Variants in LARGE2 observed in about 807,000 individuals in gnomAD.
LARGE2 encodes the protein xylosyl- and glucuronyltransferase LARGE2.
Under a neutral mutation model 75.3 loss-of-function variants are expected in LARGE2, and 63 were observed. The ratio of observed to expected loss-of-function variants is 0.84; its 90% CI spans 0.68 to 1.03. The LOEUF is 1.03. Ranked by LOEUF, LARGE2 falls within the 50% of genes least tolerant of loss-of-function variation. The pLI is 0.00. For synonymous variants in LARGE2, 428 were observed against 420.1 expected, an observed-to-expected ratio of 1.02 and a Z score of -0.23; for missense variants, 925 against 980.6, an observed-to-expected ratio of 0.94 and a Z score of 0.76.
Position 45,922,928 on chromosome 11 carries a change from T to C in LARGE2, c.46T>C (p.Leu16=). ...CCGGGCGCTGGGGGCCGCCGCGCTG[T>C]TGCTGCTGCTGCTGCTGCTCGGATT... ...RPRALGAAAL[L]LLLLLLGFLL... The change falls in exon 2 of 14, where the codon TTG becomes CTG. Residue 16 remains leucine (L), a synonymous_variant. Coordinates refer to ENST00000401752, the MANE Select transcript of LARGE2 (RefSeq NM_001300721.2). 1 of 1,275,402 alleles carries C rather than the reference T, an allele frequency of 7.8e-7. No homozygotes were observed. Among genetic ancestry groups the C allele is most frequent in the Non-Finnish European group, 9.9e-7 (1 of 1,014,782 alleles). 79.0% of individuals were successfully genotyped at this position (1,275,402 alleles called of 1,614,324 possible).
At position 45,922,715 on chromosome 11, in the gene LARGE2, A is replaced by T; in HGVS notation, c.-76A>T. Reference sequence around the variant, plus strand: ...CTGCGAGCGCAGGGCCCAGCCCGGGAGCCGCTGGAGCAGGTGAGGGAGGTG... The same window carrying T: ...CTGCGAGCGCAGGGCCCAGCCCGGGTGCCGCTGGAGCAGGTGAGGGAGGTG... On this transcript the variant is annotated 5_prime_UTR_variant, in exon 1 of 14. Coordinates refer to ENST00000401752, the MANE Select transcript of LARGE2 (RefSeq NM_001300721.2). The T allele has an allele frequency of 2.2e-6, 1 of 454,858 alleles. No individual in the cohort carries two copies. The highest frequency in any genetic ancestry group is 3.5e-6 in the Non-Finnish European group (1 of 286,890). The allele number at this position is 454,858 out of a possible 1,614,324, so 28.2% of individuals were successfully genotyped here.
Position 45,928,313 on chromosome 11 carries a change from C to A in LARGE2, c.1891C>A (p.Pro631Thr), listed in dbSNP as rs1382804104. 1 of 1,614,174 alleles carries A rather than the reference C, an allele frequency of 6.2e-7. No individual in the cohort carries two copies. The highest frequency in any genetic ancestry group is 1.1e-5 in the South Asian group (1 of 91,086). Residue 631 changes from proline to threonine, a missense_variant, in exon 13 of 14, where the codon CCT becomes ACT. By Grantham distance (38) the Pro-to-Thr change is conservative. Around this residue, in one of 3 missense-constraint regions of LARGE2, gnomAD observed 469 missense variants for 503.8 expected, o/e 0.93. Transcript: ENST00000401752. ...VVPRDCPRYDPRFVGFGWNKV... is the reference protein window; with the variant it reads ...VVPRDCPRYDTRFVGFGWNKV... ...GCCACGAGACTGTCCCCGCTATGAT[C>A]CTCGCTTTGTGGGCTTCGGCTGGAA... is the stretch of plus-strand genomic sequence containing the variant.
chr11:45,926,982 T>A, intron 10 of LARGE2, 111 bp downstream of exon 10: 1 of 1,157,464 alleles, frequency 8.6e-7, no homozygotes, highest in Non-Finnish European at 1.2e-6. Flanking sequence ...TACCTGTCCC[T>A]CAGGGAGTTC....
chr11:45,928,354 T>G lies in LARGE2; in HGVS notation c.1932T>G (p.Ile644Met), dbSNP rs1358303932. The change falls in exon 13 of 14, where the codon ATT (isoleucine) becomes ATG (methionine). Residue 644 changes from isoleucine (I) to methionine (M), a missense_variant. This residue lies in a region of LARGE2 where 469 missense variants were observed against 503.8 expected (regional missense o/e 0.93). Coordinates refer to ENST00000401752, the MANE Select transcript of LARGE2 (RefSeq NM_001300721.2). ...VGFGWNKVAH[I>M]VELDAQEYEL... ...TCGGCTGGAACAAAGTGGCCCACAT[T>G]GTGGAGCTGGATGCCCAGGTGAGGA... 1.2e-6 allele frequency: 2 copies of G among 1,613,730 alleles called. No homozygotes were observed. Among genetic ancestry groups the G allele is most frequent in the Non-Finnish European group, 1.7e-6 (2 of 1,179,812 alleles).
At chr11:45,923,613 C>G in intron 3 of LARGE2, 58 bp downstream of exon 3, 1 of 1,469,608 alleles carries the variant, frequency 6.8e-7, no homozygotes, top group Non-Finnish European at 9.5e-7. Flanking sequence ...AAGCCCGGGA[C>G]AGGCTGCTGG....
chr11:45,923,590 T>G (rs1590805661), intron 3 of LARGE2, 35 bp downstream of exon 3: 1 of 1,586,732 alleles, frequency 6.3e-7, no homozygotes, highest in East Asian at 2.2e-5. Flanking sequence ...GGGTCAGGAG[T>G]GGGGAAGGGA....
At chr11:45,922,764 G>A (rs1337133691) in intron 1 of LARGE2, 36 bp downstream of exon 1, 13 of 839,200 alleles carry the variant, frequency 1.5e-5, no homozygotes, top group Admixed American at 8.9e-5. Flanking sequence ...CGCACAACCC[G>A]GCCGTCGGGC....
Position 45,922,729 on chromosome 11 carries a change from G to A in LARGE2, c.-63+1G>A, listed in dbSNP as rs1233427651. 1 of 522,676 alleles carries A rather than the reference G, an allele frequency of 1.9e-6. No homozygotes were observed. The highest frequency in any genetic ancestry group is 2.9e-6 in the Non-Finnish European group (1 of 347,074). 32.4% of individuals were successfully genotyped at this position (522,676 alleles called of 1,614,324 possible). On this transcript the variant is annotated splice_donor_variant, in intron 1 of 13. Coordinates refer to ENST00000401752, the MANE Select transcript of LARGE2 (RefSeq NM_001300721.2). LOFTEE classifies it low-confidence loss of function (5UTR_SPLICE). ...CCCAGCCCGGGAGCCGCTGGAGCAGGTGAGGGAGGTGGCTCGGCGCGAGCC... is the reference window on the plus strand; with the variant it reads ...CCCAGCCCGGGAGCCGCTGGAGCAGATGAGGGAGGTGGCTCGGCGCGAGCC...
chr11:45,922,662 C>G lies in LARGE2; in HGVS notation c.-129C>G, dbSNP rs1053305405. On this transcript the variant is annotated 5_prime_UTR_variant, in exon 1 of 14. Coordinates refer to ENST00000401752, the MANE Select transcript of LARGE2 (RefSeq NM_001300721.2). ...GGGGGCGGGACCGGCCCGCGCCTCT[C>G]CCCTGGTTCCCGCACCCTGGCCGGC... is the stretch of plus-strand genomic sequence containing the variant. 5.7e-6 allele frequency: 2 copies of G among 348,894 alleles called. No individual in the cohort carries two copies. Among genetic ancestry groups the G allele is most frequent in the Middle Eastern group, 7.4e-4 (1 of 1,350 alleles). 21.6% of individuals were successfully genotyped at this position (348,894 alleles called of 1,614,324 possible).
intron 1 of LARGE2, 46 bp from the exon 2 acceptor site, chr11:45,922,775 C>A: frequency 1.0e-6 from 1 of 960,118 alleles, no homozygotes; most frequent in Non-Finnish European, 1.3e-6. Context: ...GCCGTCGGGC[C>A]CCGCCGCCCA....
Position 45,922,924 on chromosome 11 carries a change from G to C in LARGE2, c.42G>C (p.Ala14=). Residue 14 remains alanine (A), a synonymous_variant, in exon 2 of 14, where the codon GCG becomes GCC. Transcript: ENST00000401752. Reference sequence around the variant, plus strand: ...GCCCCCGGGCGCTGGGGGCCGCCGCGCTGTTGCTGCTGCTGCTGCTGCTCG... The same window carrying C: ...GCCCCCGGGCGCTGGGGGCCGCCGCCCTGTTGCTGCTGCTGCTGCTGCTCG... ...RGRPRALGAA[A]LLLLLLLLGF... 2.3e-6 allele frequency: 3 copies of C among 1,280,966 alleles called. No homozygotes were observed. The highest frequency in any genetic ancestry group is 2.9e-6 in the Non-Finnish European group (3 of 1,018,052). The allele number at this position is 1,280,966 out of a possible 1,614,324, so 79.3% of individuals were successfully genotyped here.
chr11:45,922,743 T>C lies in LARGE2; in HGVS notation c.-63+15T>C, dbSNP rs1462017096. ...CGCTGGAGCAGGTGAGGGAGGTGGC[T>C]CGGCGCGAGCCGCACAACCCGGCCG... is the stretch of plus-strand genomic sequence containing the variant. On this transcript the variant is annotated intron_variant, in intron 1 of 13. Transcript: ENST00000401752. The C allele has an allele frequency of 3.1e-6, 2 of 652,150 alleles. No homozygotes were observed. The highest frequency in any genetic ancestry group is 1.9e-5 in the African/African-American group (1 of 52,722). The allele number at this position is 652,150 out of a possible 1,614,324, so 40.4% of individuals were successfully genotyped here.
At chr11:45,924,081 C>G in intron 3 of LARGE2, 73 bp from the exon 4 acceptor site, 1 of 1,546,200 alleles carries the variant, frequency 6.5e-7, no homozygotes, top group Non-Finnish European at 8.8e-7. Context: ...CATCTCTGCG[C>G]CCCTCGGGGT....
At position 45,926,070 on chromosome 11, in the gene LARGE2, G is replaced by A; in HGVS notation, c.801G>A (p.Arg267=). Residue 267 remains arginine, a synonymous_variant, in exon 7 of 14, where the codon CGG becomes CGA. Coordinates refer to ENST00000401752, the MANE Select transcript of LARGE2 (RefSeq NM_001300721.2). ...GVILLRLDRL[R]QAGWEQMWRL... is the part of the protein sequence containing the mutation. ...TCCTGCTGCGGCTGGACCGGCTCCG[G>A]CAGGCTGGCTGGGAGCAGATGTGGA... 2 of 1,559,178 alleles carry A rather than the reference G, an allele frequency of 1.3e-6. No homozygotes were observed. Among genetic ancestry groups the A allele is most frequent in the South Asian group, 1.2e-5 (1 of 84,862 alleles).
intron 11 of LARGE2, 160 bp from the exon 12 acceptor site, chr11:45,927,760 C>T (rs751870462): frequency 2.3e-5 from 32 of 1,410,596 alleles, no homozygotes; most frequent in South Asian, 2.4e-5. Context: ...GAGGCCAGGG[C>T]CGGCTTCAAC....
In LARGE2 at chr11:45,928,305, G is replaced by A. The variant is rs761835601; in HGVS notation, c.1883G>A (p.Arg628His). 1.4e-5 allele frequency: 22 copies of A among 1,614,040 alleles called. No homozygotes were observed. Among genetic ancestry groups the A allele is most frequent in the African/African-American group, 2.7e-5 (2 of 74,948 alleles). ...PYVVVPRDCP[R>H]YDPRFVGFGW... Reference sequence around the variant, plus strand: ...GTGGTGGTGCCACGAGACTGTCCCCGCTATGATCCTCGCTTTGTGGGCTTC... The same window carrying A: ...GTGGTGGTGCCACGAGACTGTCCCCACTATGATCCTCGCTTTGTGGGCTTC... Residue 628 changes from arginine (R) to histidine (H), a missense_variant, in exon 13 of 14, where the codon CGC (arginine) becomes CAC (histidine). Physicochemically the swap from Arg to His is conservative, Grantham distance 29. Coordinates refer to ENST00000401752, the MANE Select transcript of LARGE2 (RefSeq NM_001300721.2).
Position 45,926,586 on chromosome 11 carries a change from G to C in LARGE2, c.1153G>C (p.Gly385Arg). ...LFVCPSQPPPGAEQLQQALAQ... is the reference protein window; with the variant it reads ...LFVCPSQPPPRAEQLQQALAQ... ...TGTGTGCCCCAGCCAGCCCCCACCTGGTGCTGAGCAGGTGAGAAGGAGTCA... is the reference window on the plus strand; with the variant it reads ...TGTGTGCCCCAGCCAGCCCCCACCTCGTGCTGAGCAGGTGAGAAGGAGTCA... The change falls in exon 9 of 14, where the codon GGT becomes CGT. Residue 385 changes from glycine to arginine, a missense_variant. Transcript: ENST00000401752. 6.2e-7 allele frequency: 1 copy of C among 1,614,084 alleles called. No homozygotes were observed. Among genetic ancestry groups the C allele is most frequent in the Non-Finnish European group, 8.5e-7 (1 of 1,180,024 alleles).
At position 45,926,069 on chromosome 11, in the gene LARGE2, G is replaced by T. The variant is rs888781721; in HGVS notation, c.800G>T (p.Arg267Leu). Residue 267 changes from arginine to leucine, a missense_variant, in exon 7 of 14, where the codon CGG (arginine) becomes CTG (leucine). Arg to Leu is a moderately radical substitution (Grantham distance 102). Coordinates refer to ENST00000401752, the MANE Select transcript of LARGE2 (RefSeq NM_001300721.2). ...ATCCTGCTGCGGCTGGACCGGCTCC[G>T]GCAGGCTGGCTGGGAGCAGATGTGG... Reference protein sequence around the residue: ...GVILLRLDRLRQAGWEQMWRL... With the variant: ...GVILLRLDRLLQAGWEQMWRL... 23 of 1,558,704 alleles carry T rather than the reference G, an allele frequency of 1.5e-5. No homozygotes were observed. Among genetic ancestry groups the T allele is most frequent in the Non-Finnish European group, 1.9e-5 (22 of 1,151,700 alleles).
In LARGE2 at chr11:45,927,759, G is replaced by A. The variant is rs766736349; in HGVS notation, c.1605-161G>A. On this transcript the variant is annotated intron_variant, in intron 11 of 13. Transcript: ENST00000401752. ...CTGGGCTGTCAACAGGGAGGCCAGG[G>A]CCGGCTTCAACAGCAGCTCCACCTG... 5.5e-5 allele frequency: 78 copies of A among 1,420,880 alleles called. 1 individual carries two copies. The South Asian group carries it at 9.1e-4, about 16-fold the overall frequency. 88.0% of individuals were successfully genotyped at this position (1,420,880 alleles called of 1,614,324 possible).
Sources: gnomAD v4.1 joint callset for allele counts on GRCh38, gnomAD v4.1.1 for gene constraint, gnomAD v4.1.1 regional missense constraint, MANE v1.5 for transcripts, NCBI Gene and HGNC (gene_info 2026-07-23, HGNC 2026-07-21) for gene names.